MAF: variants seen among roughly 807,000 people sequenced by gnomAD.
MAF encodes the protein MAF bZIP transcription factor, also known as transcription factor Maf.
In MAF, 10 loss-of-function variants were observed where a neutral mutation model predicts 22.0. The ratio of observed to expected loss-of-function variants is 0.45; its 90% CI spans 0.28 to 0.77. MAF has a LOEUF of 0.77. Among genes scored for constraint, MAF ranks in the 30% least tolerant of loss-of-function variants. The pLI, the probability that MAF is intolerant of heterozygous loss-of-function variation, is 0.12. For missense variants in MAF, 544 were observed against 548.4 expected, an observed-to-expected ratio of 0.99 and a Z score of 0.08; for synonymous variants, 337 against 255.8, an observed-to-expected ratio of 1.32 and a Z score of -3.03.
At chr16:79,413,311 C>T in the MAF span, among the ~76,000 whole-genome samples, 43 of 142,138 alleles carry the variant, frequency 3.0e-4, 1 homozygote, top group African/African-American at 9.5e-4. Flanking sequence ...GGCGCAGCCT[C>T]GGCTCACTGC....
chr16:79,571,190 T>C, the MAF span, among the ~76,000 whole-genome samples: 1 of 151,890 alleles, frequency 6.6e-6, no homozygotes, highest in African/African-American at 2.4e-5. Flanking sequence ...GTACATCTCA[T>C]AGATATTCAA....
At chr16:79,551,651 G>T in the MAF span, among the ~76,000 whole-genome samples, 8 of 152,154 alleles carry the variant, frequency 5.3e-5, no homozygotes, top group Non-Finnish European at 1.0e-4. Flanking sequence ...TTCTTGTGCA[G>T]CCCAGGAGCT....
chr16:79,448,931 G>A, the MAF span, among the ~76,000 whole-genome samples: 1 of 152,058 alleles, frequency 6.6e-6, no homozygotes, highest in South Asian at 2.1e-4. Context: ...CATTTATTGT[G>A]CACTTTATTT....
the MAF span, among the ~76,000 whole-genome samples, chr16:79,454,790 T>C: frequency 6.7e-6 from 1 of 149,926 alleles, no homozygotes; most frequent in Non-Finnish European, 1.5e-5. Context: ...TGATTCCATT[T>C]TTACCCCATA....
At chr16:79,547,969 G>A in the MAF span, among the ~76,000 whole-genome samples, 3 of 150,884 alleles carry the variant, frequency 2.0e-5, no homozygotes, top group Non-Finnish European at 4.4e-5. Context: ...TAGGAAGGCT[G>A]TTTCCTAAAT....
At chr16:79,361,662 C>A in the MAF span, among the ~76,000 whole-genome samples, 1 of 152,084 alleles carries the variant, frequency 6.6e-6, no homozygotes, top group African/African-American at 2.4e-5. Context: ...AGAGAAATTA[C>A]GTCTGCACGA....
the MAF span, among the ~76,000 whole-genome samples, chr16:79,400,862 T>C: frequency 3.3e-5 from 5 of 152,196 alleles, no homozygotes; most frequent in Non-Finnish European, 4.4e-5. Flanking sequence ...TGGCCTGGGG[T>C]ATCTTCCGGG....
the MAF span, among the ~76,000 whole-genome samples, chr16:79,371,911 C>T: frequency 6.6e-6 from 1 of 152,192 alleles, no homozygotes; most frequent in East Asian, 1.9e-4. Context: ...ATTCACTCTC[C>T]CAAGCTTCGC....
At chr16:79,375,300 C>A in the MAF span, among the ~76,000 whole-genome samples, 4 of 152,154 alleles carry the variant, frequency 2.6e-5, no homozygotes, top group Non-Finnish European at 5.9e-5. Flanking sequence ...TTGATTCTGT[C>A]CAGCAAATAA....
the MAF span, among the ~76,000 whole-genome samples, chr16:79,534,075 C>T: frequency 6.6e-6 from 1 of 152,160 alleles, no homozygotes; most frequent in African/African-American, 2.4e-5. Context: ...AACTACAATC[C>T]CTTGAGGAAA....
At chr16:79,406,855 G>A in the MAF span, among the ~76,000 whole-genome samples, 1 of 152,150 alleles carries the variant, frequency 6.6e-6, no homozygotes, top group Non-Finnish European at 1.5e-5. Context: ...CTGGGACAGA[G>A]GAAGAAAGAA....
the MAF span, among the ~76,000 whole-genome samples, chr16:79,323,160 A>C: frequency 9.6e-6 from 1 of 104,620 alleles, no homozygotes. Context: ...AAAAAAAAAA[A>C]AAAAAAAAAA....
the MAF span, among the ~76,000 whole-genome samples, chr16:79,328,531 T>C: frequency 6.6e-6 from 1 of 152,188 alleles, no homozygotes; most frequent in Admixed American, 6.5e-5. Context: ...GCTGCCAGTT[T>C]CTTAATGCAA....
At chr16:79,462,459 C>G in the MAF span, among the ~76,000 whole-genome samples, 2 of 151,892 alleles carry the variant, frequency 1.3e-5, no homozygotes, top group Non-Finnish European at 2.9e-5. Flanking sequence ...AGTTTAATGT[C>G]TAAACTTCTT....
chr16:79,372,674 GTTA>G, the MAF span, among the ~76,000 whole-genome samples: 1 of 152,178 alleles, frequency 6.6e-6, no homozygotes, highest in African/African-American at 2.4e-5. Context: ...GTGAATCACA[GTTA>G]TTGAGAAATT....
chr16:79,517,808 C>T, the MAF span, among the ~76,000 whole-genome samples: 1 of 152,102 alleles, frequency 6.6e-6, no homozygotes, highest in African/African-American at 2.4e-5. Context: ...CTTCTGACCT[C>T]AAGTGTTCCA....
chr16:79,424,518 G>A, the MAF span, among the ~76,000 whole-genome samples: 1 of 152,202 alleles, frequency 6.6e-6, no homozygotes, highest in Admixed American at 6.5e-5. Context: ...ATTGGTATAA[G>A]AACAGATATA....
At chr16:79,224,995 A>G in the MAF span, among the ~76,000 whole-genome samples, 2 of 152,216 alleles carry the variant, frequency 1.3e-5, no homozygotes, top group Non-Finnish European at 2.9e-5. Flanking sequence ...CTTTCTTCAC[A>G]GAATTAGAAA....
the MAF span, among the ~76,000 whole-genome samples, chr16:79,241,519 G>T: frequency 6.6e-6 from 1 of 151,982 alleles, no homozygotes. Context: ...AATGAACAAA[G>T]CCTCCAAGAA....
Sources: allele counts gnomAD v4.1 joint callset (sites outside exome capture counted in the v4.1 genomes callset), GRCh38; gene constraint gnomAD v4.1.1; transcripts MANE v1.5; gene names NCBI Gene and HGNC (gene_info 2026-07-23, HGNC 2026-07-21).